LMTK3: variants seen among roughly 807,000 people sequenced by gnomAD.
LMTK3 encodes the protein lemur tail kinase 3, also known as serine/threonine-protein kinase LMTK3.
Under a neutral mutation model 116.7 loss-of-function variants are expected in LMTK3, and 27 were observed. That is an observed-to-expected ratio of 0.23 (90% CI 0.17 to 0.32). LMTK3 has a LOEUF of 0.32. Ranked by LOEUF, LMTK3 falls within the 10% of genes least tolerant of loss-of-function variation. The pLI, the probability that LMTK3 is intolerant of heterozygous loss-of-function variation, is 1.00. For synonymous variants in LMTK3, 965 were observed against 971.0 expected (o/e 0.99, Z 0.11); for missense variants, 1,764 against 2,068.5 (o/e 0.85, Z 2.86).
In LMTK3 at chr19:48,497,605, T is replaced by A. The variant is rs1972352724; in HGVS notation, c.3464A>T (p.Glu1155Val). Residue 1155 changes from glutamate to valine, a missense_variant, in exon 11 of 15, where the codon GAG becomes GTG. Around this residue, in one of 7 missense-constraint regions of LMTK3, gnomAD observed 1,028 missense variants for 1,050.6 expected, o/e 0.98. Coordinates refer to ENST00000600059, the MANE Select transcript of LMTK3 (RefSeq NM_001388485.1). This position sits in a 1 kb window ranked among gnomAD's most constrained non-coding sequence, Gnocchi z 5.7. ...PPPPPLPPPP[E>V]AQPRRLEPAP... ...TGGCTCCAGCCTCCTCGGCTGTGCC[T>A]CCGGTGGCGGTGGCAGCGGTGGCGG... 1.5e-6 allele frequency: 2 copies of A among 1,307,086 alleles called. No individual in the cohort carries two copies. The highest frequency in any genetic ancestry group is 2.3e-5 in the South Asian group (1 of 43,494). 81.0% of individuals were successfully genotyped at this position (1,307,086 alleles called of 1,614,324 possible). A position where few individuals can be genotyped will look rare whatever the true frequency, so the allele number is the denominator to read the frequency against.
At position 48,494,055 on chromosome 19, in the gene LMTK3, G is replaced by A. The variant is rs1972281278; in HGVS notation, c.3731C>T (p.Pro1244Leu). ...ALPPLTLTPF[P>L]GPGPRRPPWE... ...CGGGGGCCGCCGCGGGCCCGGCCCC[G>A]GGAATGGCGTGAGCGTGAGCGGCGG... Residue 1244 changes from proline (P) to leucine (L), a missense_variant, in exon 12 of 15, where the codon CCG becomes CTG. By Grantham distance (98) the Pro-to-Leu change is moderately conservative. This residue lies in a region of LMTK3 where 39 missense variants were observed against 75.4 expected (regional missense o/e 0.52). Coordinates refer to ENST00000600059, the MANE Select transcript of LMTK3 (RefSeq NM_001388485.1). The surrounding 1 kb of genome is among the most constrained non-coding windows in gnomAD (Gnocchi z 4.0). 1 of 1,188,110 alleles carries A rather than the reference G, an allele frequency of 8.4e-7. No homozygotes were observed. The highest frequency in any genetic ancestry group is 1.0e-6 in the Non-Finnish European group (1 of 959,244). 73.6% of individuals were successfully genotyped at this position (1,188,110 alleles called of 1,614,324 possible).
upstream of LMTK3, chr19:48,513,308 G>A (rs1243855669): frequency 6.6e-6 from 5 of 752,706 alleles, no homozygotes; most frequent in African/African-American, 1.7e-5. This position sits in a 1 kb window ranked among gnomAD's most constrained non-coding sequence, Gnocchi z 5.6. Context: ...CCTCACAACC[G>A]CCCTCTGAGA....
chr19:48,491,177 G>C lies in LMTK3; in HGVS notation c.4297C>G (p.Arg1433Gly). The change falls in exon 14 of 15, where the codon CGC becomes GGC. Residue 1433 changes from arginine (R) to glycine (G), a missense_variant. Around this residue, in one of 7 missense-constraint regions of LMTK3, gnomAD observed 281 missense variants for 301.4 expected, o/e 0.93. Transcript: ENST00000600059. The surrounding 1 kb of genome is among the most constrained non-coding windows in gnomAD (Gnocchi z 5.1). ...TCCAGCGCAGGCGAGACGGAGAAGC[G>C]GGAGAAGCACAGCGGGGGGCCTGGA... ...PPPGPPLCFS[R>G]FSVSPALETP... The C allele has an allele frequency of 6.5e-6, 9 of 1,385,310 alleles. No homozygotes were observed. Among genetic ancestry groups the C allele is most frequent in the Non-Finnish European group, 8.4e-6 (9 of 1,065,896 alleles). The allele number at this position is 1,385,310 out of a possible 1,614,324, so 85.8% of individuals were successfully genotyped here.
In LMTK3 at chr19:48,499,746, C is replaced by T. The variant is rs745872489; in HGVS notation, c.1323G>A (p.Ala441=). The change falls in exon 11 of 15, where the codon GCG becomes GCA. Residue 441 remains alanine (A), a synonymous_variant. Transcript: ENST00000600059. The stretch of plus-strand genomic sequence containing the variant: ...GTGAGGAGAGGGTCCCCGGGCGGGG[C>T]GCACTGTGTGCAGGGGGCCAGGGCC... The part of the protein sequence containing the change: ...FPWPWPPAHS[A]PRPGTLSSPF... 12 of 1,499,644 alleles carry T rather than the reference C, an allele frequency of 8.0e-6. No homozygotes were observed. The East Asian group carries it at 1.8e-4, about 23-fold the overall frequency. 92.9% of individuals were successfully genotyped at this position (1,499,644 alleles called of 1,614,324 possible). A position where few individuals can be genotyped will look rare whatever the true frequency, so the allele number is the denominator to read the frequency against.
chr19:48,499,737 C>T lies in LMTK3; in HGVS notation c.1332G>A (p.Pro444=), dbSNP rs1192334865. The T allele has an allele frequency of 2.5e-5, 31 of 1,230,582 alleles. No homozygotes were observed. The highest frequency in any genetic ancestry group is 6.4e-5 in the East Asian group (1 of 15,616). The allele number at this position is 1,230,582 out of a possible 1,614,324, so 76.2% of individuals were successfully genotyped here. ...GGGGGAACGGTGAGGAGAGGGTCCC[C>T]GGGCGGGGCGCACTGTGTGCAGGGG... ...PWPPAHSAPR[P]GTLSSPFPLL... is the part of the protein sequence containing the mutation. Residue 444 remains proline (P), a synonymous_variant, in exon 11 of 15, where the codon CCG becomes CCA. Transcript: ENST00000600059.
rs1356105510 is a variant in LMTK3 at position 48,491,980 on chromosome 19, G to A, written c.4093-441C>T. On this transcript the variant is annotated intron_variant, in intron 12 of 14. Coordinates refer to ENST00000600059, the MANE Select transcript of LMTK3 (RefSeq NM_001388485.1). The surrounding 1 kb of genome is among the most constrained non-coding windows in gnomAD (Gnocchi z 5.1). Reference sequence around the variant, plus strand: ...ATGCCGTGCTGGATGCTGTGACCCTGCCCCTGAGCCCTCCCTCAGAAGTAG... The same window carrying A: ...ATGCCGTGCTGGATGCTGTGACCCTACCCCTGAGCCCTCCCTCAGAAGTAG... Among the ~76,000 whole-genome samples the A allele has an allele frequency of 6.6e-6, 1 of 150,582 alleles. No homozygotes were observed. The highest frequency in any genetic ancestry group is 1.5e-5 in the Non-Finnish European group (1 of 67,842).
intron 5 of LMTK3, among the ~76,000 whole-genome samples, chr19:48,503,412 C>T (rs1386305048): frequency 6.6e-6 from 1 of 152,066 alleles, no homozygotes; most frequent in Non-Finnish European, 1.5e-5. Flanking sequence ...CACCCCACTC[C>T]TTCCCCAGGT....
In LMTK3 at chr19:48,498,935, C is replaced by T; in HGVS notation, c.2134G>A (p.Ala712Thr). 7.7e-7 allele frequency: 1 copy of T among 1,293,546 alleles called. No homozygotes were observed. The highest frequency in any genetic ancestry group is 9.8e-7 in the Non-Finnish European group (1 of 1,023,940). The allele number at this position is 1,293,546 out of a possible 1,614,324, so 80.1% of individuals were successfully genotyped here. ...AAGTCGGCCAGGGAGCCCCGCTCTG[C>T]CCGCAGCGAGGAGTCGTCCTCGGGG... ...HPPEDDSSLR[A>T]ERGSLADLPM... Residue 712 changes from alanine (A) to threonine (T), a missense_variant, in exon 11 of 15, where the codon GCA (alanine) becomes ACA (threonine). By Grantham distance (58) the Ala-to-Thr change is moderately conservative. Around this residue, in one of 7 missense-constraint regions of LMTK3, gnomAD observed 1,028 missense variants for 1,050.6 expected, o/e 0.98. Coordinates refer to ENST00000600059, the MANE Select transcript of LMTK3 (RefSeq NM_001388485.1).
At position 48,500,428 on chromosome 19, in the gene LMTK3, AAAAG is replaced by A. The variant is rs908378153; in HGVS notation, c.1152-515_1152-512del. On this transcript the variant is annotated intron_variant, in intron 10 of 14. Transcript: ENST00000600059. The surrounding 1 kb of genome is among the most constrained non-coding windows in gnomAD (Gnocchi z 4.0). Reference sequence around the variant, plus strand: ...AACAAAAGCAAAAATCTGCCAAAAAAAAAGAAAGAGAGAGAGGGACAGAGACCCA... The same window carrying A: ...AACAAAAGCAAAAATCTGCCAAAAAAAAAGAGAGAGAGGGACAGAGACCCA... Among the ~76,000 whole-genome samples the A allele has an allele frequency of 8.1e-5, 12 of 147,476 alleles. No homozygotes were observed. Among genetic ancestry groups the A allele is most frequent in the East Asian group, 2.2e-4 (1 of 4,588 alleles).
At position 48,500,022 on chromosome 19, in the gene LMTK3, GTAACA is replaced by G. The variant is rs1291705839; in HGVS notation, c.1152-110_1152-106del. On this transcript the variant is annotated intron_variant, in intron 10 of 14. Coordinates refer to ENST00000600059, the MANE Select transcript of LMTK3 (RefSeq NM_001388485.1). The surrounding 1 kb of genome is among the most constrained non-coding windows in gnomAD (Gnocchi z 4.0). ...AGAGAGGGGGACAGAGACCCAGAGG[GTAACA>G]GAGACCCAGAGAGAGGGGGACAGAG... 28 of 1,148,216 alleles carry G rather than the reference GTAACA, an allele frequency of 2.4e-5. 1 individual carries two copies. Among genetic ancestry groups the G allele is most frequent in the Middle Eastern group, 3.0e-4 (1 of 3,372 alleles). 71.1% of individuals were successfully genotyped at this position (1,148,216 alleles called of 1,614,324 possible).
Position 48,489,970 on chromosome 19 carries a change from G to T in LMTK3, c.4366+1138C>A, listed in dbSNP as rs186156236. ...CAGCAGAGAGCCCAGTCCCGTTCCA[G>T]TCCTGCGCTGGGACCTGCCCGTGTG... On this transcript the variant is annotated intron_variant, in intron 14 of 14. Transcript: ENST00000600059. Among the ~76,000 whole-genome samples the T allele has an allele frequency of 3.6e-4, 55 of 152,232 alleles. 3 individuals are homozygous for T. In the East Asian group the frequency reaches 6.9e-3, roughly 19 times the overall value.
intron 14 of LMTK3, among the ~76,000 whole-genome samples, chr19:48,487,395 G>A (rs531206898): frequency 5.9e-5 from 9 of 152,158 alleles, no homozygotes; most frequent in South Asian, 2.1e-4. Context: ...GGCTGGTCTC[G>A]AACTCCTGAC....
Position 48,497,082 on chromosome 19 carries a change from C to G in LMTK3, c.3676+311G>C, listed in dbSNP as rs1364711943. 2.0e-5 allele frequency among the ~76,000 whole-genome samples: 3 copies of G among 152,238 alleles called. No individual in the cohort carries two copies. Among genetic ancestry groups the G allele is most frequent in the Non-Finnish European group, 4.4e-5 (3 of 68,040 alleles). On this transcript the variant is annotated intron_variant, in intron 11 of 14. Transcript: ENST00000600059. The surrounding 1 kb of genome is among the most constrained non-coding windows in gnomAD (Gnocchi z 5.7). ...TAATAAAAGCAGGTGCTTACTGAAT[C>G]CCTTGCTCTGATTAAGTGCCTTGGA... is the stretch of plus-strand genomic sequence containing the variant.
intron 14 of LMTK3, among the ~76,000 whole-genome samples, chr19:48,487,842 GCT>G (rs1475461694): frequency 2.0e-5 from 3 of 152,002 alleles, no homozygotes; most frequent in Non-Finnish European, 4.4e-5. Context: ...CTTGAGTTTC[GCT>G]CTTTTAATGG....
At chr19:48,490,524 CAAAAAAAAAAAAAA>C (rs397860073) in intron 14 of LMTK3, among the ~76,000 whole-genome samples, 1 of 48,084 alleles carries the variant, frequency 2.1e-5, no homozygotes, top group East Asian at 5.9e-4. Flanking sequence ...GACTCCGTCT[CAAAAAAAAAAAAAA>C]AAAAAAAAAA....
intron 11 of LMTK3, among the ~76,000 whole-genome samples, chr19:48,495,647 A>G (rs1411148624): frequency 1.3e-5 from 2 of 152,212 alleles, no homozygotes; most frequent in Non-Finnish European, 2.9e-5. Context: ...TGTCCAGCCC[A>G]CTTCCTGACC....
intron 5 of LMTK3, among the ~76,000 whole-genome samples, chr19:48,503,461 G>A (rs1972507444): frequency 6.6e-6 from 1 of 151,922 alleles, no homozygotes; most frequent in Non-Finnish European, 1.5e-5. Context: ...TGCTCCTGGG[G>A]GAGCAGGTCC....
intron 14 of LMTK3, among the ~76,000 whole-genome samples, chr19:48,487,259 T>C (rs944175825): frequency 1.2e-4 from 18 of 152,104 alleles, no homozygotes; most frequent in Admixed American, 3.3e-4. Context: ...GGTCTCGAAC[T>C]CCTGACCTTG....
In LMTK3 at chr19:48,500,114, CAG is replaced by C. The variant is rs1373787101; in HGVS notation, c.1152-199_1152-198del. On this transcript the variant is annotated intron_variant, in intron 10 of 14. Coordinates refer to ENST00000600059, the MANE Select transcript of LMTK3 (RefSeq NM_001388485.1). This position sits in a 1 kb window ranked among gnomAD's most constrained non-coding sequence, Gnocchi z 4.0. Reference sequence around the variant, plus strand: ...GGACAGAGATCCAGAGACAGAGGGACAGAGACCCAGAGAGAGAGGGACAGAGA... The same window carrying C: ...GGACAGAGATCCAGAGACAGAGGGACAGACCCAGAGAGAGAGGGACAGAGA... Among the ~76,000 whole-genome samples, 1 of 151,112 alleles carries C rather than the reference CAG, an allele frequency of 6.6e-6. No individual in the cohort carries two copies. The highest frequency in any genetic ancestry group is 1.5e-5 in the Non-Finnish European group (1 of 67,884).
Sources: allele counts gnomAD v4.1 joint callset (sites outside exome capture counted in the v4.1 genomes callset), GRCh38; gene constraint gnomAD v4.1.1; regional missense constraint gnomAD v4.1.1; non-coding constraint Gnocchi (gnomAD v3.1); transcripts MANE v1.5; gene names NCBI Gene and HGNC (gene_info 2026-07-23, HGNC 2026-07-21).